The following TG variants were observed in gnomAD, a reference collection of about 807,000 sequenced individuals.
The protein encoded by TG is thyroglobulin, also known as thyroid hormones.
Under a neutral mutation model 324.7 loss-of-function variants are expected in TG, and 270 were observed. The ratio of observed to expected loss-of-function variants is 0.83; its 90% CI spans 0.75 to 0.92. TG has a LOEUF of 0.92. Among genes scored for constraint, TG ranks in the 40% least tolerant of loss-of-function variants. The probability of loss-of-function intolerance (pLI) is 0.00; values close to 1 mark genes in which losing one functional copy is unlikely to be tolerated. For missense variants in TG, 3,591 were observed against 3,456.4 expected (o/e 1.04, Z -0.98); for synonymous variants, 1,401 against 1,327.0 (o/e 1.06, Z -1.21).
At chr8:133,096,122 C>T in intron 42 of TG, 84 bp from the exon 43 acceptor site, 1 of 1,516,324 alleles carries the variant, frequency 6.6e-7, no homozygotes, top group Admixed American at 1.7e-5. Flanking sequence ...CCAGTATTGG[C>T]ATTCAGTATG....
intron 45 of TG, among the ~76,000 whole-genome samples, chr8:133,119,469 G>A (rs892953513): frequency 1.1e-4 from 17 of 152,280 alleles, no homozygotes; most frequent in African/African-American, 4.1e-4. Flanking sequence ...CAAGATCAAG[G>A]CATGGGAAGA....
chr8:133,094,990 G>T (rs1848186916), intron 41 of TG, 54 bp from the exon 42 acceptor site: 2 of 1,611,118 alleles, frequency 1.2e-6, no homozygotes, highest in South Asian at 2.2e-5. Context: ...CTCCAGGTGA[G>T]CAGGGGCTGA....
rs202179792 is a variant in TG at position 132,963,090 on chromosome 8, C to T, written c.5548+16C>T. 230 of 1,612,920 alleles carry T rather than the reference C, an allele frequency of 1.4e-4. No homozygotes were observed. Among genetic ancestry groups the T allele is most frequent in the Non-Finnish European group, 1.9e-4 (222 of 1,179,000 alleles). On this transcript the variant is annotated intron_variant, in intron 29 of 47. Transcript: ENST00000220616. ...ACAGAAGCAGGTACTGACCCCCAAA[C>T]CTTCTTACACACTTGGGTGTCTGAA...
At chr8:133,100,290 CAT>C (rs1225621880) in intron 43 of TG, among the ~76,000 whole-genome samples, 1 of 152,200 alleles carries the variant, frequency 6.6e-6, no homozygotes, top group African/African-American at 2.4e-5. Context: ...AGAGGGAAGC[CAT>C]ATCCCCAGCC....
In TG at chr8:133,052,872, G is replaced by C. The variant is rs189067608; in HGVS notation, c.7239+22849G>C. ...GGCTGACTTTGCCACTCACTGAGTGGGACGCCTCCTTCTCCTCTTGGGCCT... is the reference window on the plus strand; with the variant it reads ...GGCTGACTTTGCCACTCACTGAGTGCGACGCCTCCTTCTCCTCTTGGGCCT... On this transcript the variant is annotated intron_variant, in intron 41 of 47. Transcript: ENST00000220616. Among the ~76,000 whole-genome samples, 513 of 152,314 alleles carry C rather than the reference G, an allele frequency of 3.4e-3. 3 individuals are homozygous for C. The highest frequency in any genetic ancestry group is 0.012 in the African/African-American group (488 of 41,568).
At chr8:132,986,388 ATATGTG>A (rs1831546440) in intron 35 of TG, among the ~76,000 whole-genome samples, 2 of 109,760 alleles carry the variant, frequency 1.8e-5, no homozygotes, top group African/African-American at 7.6e-5. Context: ...ATGTGTGTAT[ATATGTG>A]TATATATATG....
In TG at chr8:133,095,715, C is replaced by A. The variant is rs139112431; in HGVS notation, c.7405-491C>A. On this transcript the variant is annotated intron_variant, in intron 42 of 47. Transcript: ENST00000220616. The stretch of plus-strand genomic sequence containing the variant: ...AGACCAAATCTCTGGCTGGCCTTCA[C>A]ATTAATGAAGGGGACATTAGCAGGA... Among the ~76,000 whole-genome samples, 195 of 152,358 alleles carry A rather than the reference C, an allele frequency of 1.3e-3. 1 individual carries two copies. Among genetic ancestry groups the A allele is most frequent in the African/African-American group, 4.6e-3 (191 of 41,582 alleles).
intron 41 of TG, chr8:133,049,770 T>C (rs1484062296): frequency 1.4e-6 from 1 of 696,082 alleles, no homozygotes; most frequent in Non-Finnish European, 2.6e-6. Context: ...ATTGACTGGG[T>C]TGGGAGCAGG....
At chr8:133,131,969 G>A in intron 46 of TG, 23 bp downstream of exon 46, 1 of 1,613,856 alleles carries the variant, frequency 6.2e-7, no homozygotes, top group African/African-American at 1.3e-5. Flanking sequence ...CACTTGTTCA[G>A]AATTCTGTCA....
intron 27 of TG, among the ~76,000 whole-genome samples, chr8:132,960,049 A>C (rs948030452): frequency 6.6e-6 from 1 of 152,308 alleles, no homozygotes; most frequent in African/African-American, 2.4e-5. Context: ...GTTTATCAAT[A>C]ACTAGCTCTT....
chr8:132,900,366 C>G, intron 15 of TG, 27 bp downstream of exon 15: 1 of 1,582,270 alleles, frequency 6.3e-7, no homozygotes, highest in Non-Finnish European at 8.6e-7. Context: ...CCTGGCATGG[C>G]TTCTCACCTC....
At chr8:133,060,130 G>A (rs1842156767) in intron 41 of TG, 1 of 1,610,978 alleles carries the variant, frequency 6.2e-7, no homozygotes, top group Non-Finnish European at 8.5e-7. Flanking sequence ...CTCTCGGCAG[G>A]CGCAGGGGTG....
At chr8:132,971,747 G>A (rs766803246) in intron 32 of TG, 47 bp from the exon 33 acceptor site, 2 of 1,385,832 alleles carry the variant, frequency 1.4e-6, no homozygotes, top group South Asian at 1.2e-5. Flanking sequence ...TAGGTCCTGG[G>A]TCACCAGTGA....
chr8:133,054,793 C>T (rs971793899), intron 41 of TG, among the ~76,000 whole-genome samples: 7 of 152,222 alleles, frequency 4.6e-5, no homozygotes, highest in South Asian at 2.1e-4. Flanking sequence ...AAATAGGAAA[C>T]GAATCCACAA....
chr8:132,880,010 CG>C (rs2132110383), intron 5 of TG, among the ~76,000 whole-genome samples: 1 of 152,348 alleles, frequency 6.6e-6, no homozygotes, highest in Admixed American at 6.5e-5. Flanking sequence ...GAACCCACCT[CG>C]GGCCAGCACT....
intron 27 of TG, among the ~76,000 whole-genome samples, chr8:132,957,768 C>CACACACACACACACACACAG (rs1397741550): frequency 9.7e-5 from 14 of 145,016 alleles, no homozygotes; most frequent in East Asian, 3.9e-4. Context: ...CACACACACA[C>CACACACACACACACACACAG]ACACACACAC....
At chr8:132,902,519 G>A (rs548928949) in intron 16 of TG, among the ~76,000 whole-genome samples, 3 of 152,150 alleles carry the variant, frequency 2.0e-5, no homozygotes, top group South Asian at 2.1e-4. Context: ...ACCACACACC[G>A]TTTCCCCCAA....
intron 26 of TG, among the ~76,000 whole-genome samples, chr8:132,947,243 G>T (rs1222921227): frequency 4.6e-5 from 7 of 152,160 alleles, no homozygotes; most frequent in Non-Finnish European, 1.0e-4. Flanking sequence ...TTACAAACAT[G>T]TATGTCCAAA....
At chr8:133,010,989 T>A (rs1180864838) in intron 35 of TG, among the ~76,000 whole-genome samples, 1 of 152,180 alleles carries the variant, frequency 6.6e-6, no homozygotes. Flanking sequence ...ACCTCTTGTG[T>A]CTTATTTTCT....
Sources: gnomAD v4.1 joint callset for allele counts (sites outside exome capture counted in the v4.1 genomes callset) on GRCh38, gnomAD v4.1.1 for gene constraint, MANE v1.5 for transcripts, NCBI Gene and HGNC (gene_info 2026-07-23, HGNC 2026-07-21) for gene names.